The following STIM2 variants were observed in gnomAD, a reference collection of about 807,000 sequenced individuals.
STIM2 encodes stromal interaction molecule 2.
STIM2 carries 31 observed loss-of-function variants against 85.8 expected under a neutral mutation model. That is an observed-to-expected ratio of 0.36 (90% CI 0.27 to 0.49). The LOEUF is 0.49. STIM2 is among the 20% of genes least tolerant of loss of function. The probability of loss-of-function intolerance (pLI) is 0.98; values close to 1 mark genes in which losing one functional copy is unlikely to be tolerated. For missense variants in STIM2, 841 were observed against 927.6 expected (o/e 0.91, Z 1.21); for synonymous variants, 356 against 331.1 (o/e 1.08, Z -0.82).
At chr4:26,969,963 G>T (rs1726868981) in intron 3 of STIM2, among the ~76,000 whole-genome samples, 1 of 151,660 alleles carries the variant, frequency 6.6e-6, no homozygotes, top group South Asian at 2.1e-4. Flanking sequence ...TTCTCTTTTA[G>T]TACAAAGTTT....
intron 1 of STIM2, among the ~76,000 whole-genome samples, chr4:26,867,160 C>G (rs1722440165): frequency 6.6e-6 from 1 of 152,028 alleles, no homozygotes; most frequent in African/African-American, 2.4e-5. Flanking sequence ...TTATTCTTAG[C>G]TTAGGAATCT....
chr4:26,914,619 T>C (rs910674752), intron 1 of STIM2, among the ~76,000 whole-genome samples: 10 of 152,236 alleles, frequency 6.6e-5, no homozygotes, highest in African/African-American at 2.2e-4. Flanking sequence ...ATTTAGAAGC[T>C]AATTCATTTG....
chr4:26,865,731 T>G (rs530431743), intron 1 of STIM2, among the ~76,000 whole-genome samples: 7 of 152,152 alleles, frequency 4.6e-5, no homozygotes, highest in African/African-American at 7.2e-5. Context: ...CTTGTTAAGA[T>G]CTACCTAGGA....
intron 1 of STIM2, among the ~76,000 whole-genome samples, chr4:26,891,136 C>T (rs1723461010): frequency 6.6e-6 from 1 of 152,174 alleles, no homozygotes; most frequent in South Asian, 2.1e-4. Flanking sequence ...GTCAACTTGG[C>T]TGGTCTGTGG....
chr4:27,003,449 C>G (rs1728228234), intron 7 of STIM2, among the ~76,000 whole-genome samples: 1 of 152,148 alleles, frequency 6.6e-6, no homozygotes, highest in South Asian at 2.1e-4. Context: ...TTGAACTTCT[C>G]TGCAAAGGTA....
At chr4:26,874,309 C>A in intron 1 of STIM2, 1 of 367,412 alleles carries the variant, frequency 2.7e-6, no homozygotes, top group Non-Finnish European at 5.5e-6. Context: ...GAGAGATCTC[C>A]GGCGCACAGA....
chr4:26,882,432 CTTAAA>C (rs1723047051), intron 1 of STIM2, among the ~76,000 whole-genome samples: 2 of 136,888 alleles, frequency 1.5e-5, no homozygotes, highest in African/African-American at 5.7e-5. Flanking sequence ...AACCTAGTTT[CTTAAA>C]TTTCTTTCTT....
In STIM2 at chr4:27,019,882, G is replaced by A. The variant is rs1728856287; in HGVS notation, c.1763+1898G>A. On this transcript the variant is annotated intron_variant, in intron 11 of 11. Coordinates refer to ENST00000467087, the MANE Select transcript of STIM2 (RefSeq NM_020860.4). ...ATTCCAAAGAGTATGTACTCTGCAAGAAAATAAAATTTGAACTTGTATTAT... is the reference window on the plus strand; with the variant it reads ...ATTCCAAAGAGTATGTACTCTGCAAAAAAATAAAATTTGAACTTGTATTAT... Among the ~76,000 whole-genome samples the A allele has an allele frequency of 2.0e-5, 3 of 152,140 alleles. No homozygotes were observed. In the South Asian group the frequency reaches 6.2e-4, roughly 32 times the overall value.
intron 11 of STIM2, chr4:27,019,632 C>G (rs1728850153): frequency 8.9e-6 from 4 of 447,652 alleles, no homozygotes; most frequent in Non-Finnish European, 1.6e-5. Flanking sequence ...AGTCTCTCCT[C>G]TATTGAACCA....
chr4:26,959,259 T>C (rs1035570724), intron 3 of STIM2, among the ~76,000 whole-genome samples: 1 of 152,178 alleles, frequency 6.6e-6, no homozygotes, highest in Admixed American at 6.5e-5. Flanking sequence ...TCTCGCTCAC[T>C]GTGCTCCATT....
In STIM2 at chr4:27,024,592, A is replaced by G. The variant is rs549443576; in HGVS notation, c.*1596A>G. 1.2e-4 allele frequency: 18 copies of G among 152,322 alleles called. No homozygotes were observed. Among genetic ancestry groups the G allele is most frequent in the East Asian group, 1.9e-4 (1 of 5,194 alleles). The allele number at this position is 152,322 out of a possible 1,614,324, so 9.4% of individuals were successfully genotyped here. A position where few individuals can be genotyped will look rare whatever the true frequency, so the allele number is the denominator to read the frequency against. On this transcript the variant is annotated 3_prime_UTR_variant, in exon 12 of 12. Coordinates refer to ENST00000467087, the MANE Select transcript of STIM2 (RefSeq NM_020860.4). ...AATTGTGATTGTTTATTCTATTACT[A>G]TTGTTAAAAACTTGAATGGTATTTA...
At chr4:26,908,432 A>T (rs553833052) in intron 1 of STIM2, among the ~76,000 whole-genome samples, 6 of 152,312 alleles carry the variant, frequency 3.9e-5, no homozygotes, top group African/African-American at 1.4e-4. Context: ...GTATGAGACT[A>T]ACACAGCATT....
rs185266419 is a variant in STIM2 at position 26,986,664 on chromosome 4, A to G, written c.398-8715A>G. Among the ~76,000 whole-genome samples, 7 of 152,356 alleles carry G rather than the reference A, an allele frequency of 4.6e-5. No individual in the cohort carries two copies. The East Asian group carries it at 1.2e-3, about 25-fold the overall frequency. On this transcript the variant is annotated intron_variant, in intron 3 of 11. Coordinates refer to ENST00000467087, the MANE Select transcript of STIM2 (RefSeq NM_020860.4). ...ACCACTGTCGACCACACAACTTTAA[A>G]TTGCTACCTCCACTATGTTATTTAT...
chr4:26,995,241 G>T, intron 3 of STIM2, 138 bp from the exon 4 acceptor site: 1 of 443,002 alleles, frequency 2.3e-6, no homozygotes, highest in Non-Finnish European at 4.1e-6. Context: ...CTCATAGAGT[G>T]CTAGATACAG....
At chr4:26,902,469 A>G (rs1160457660) in intron 1 of STIM2, among the ~76,000 whole-genome samples, 2 of 152,172 alleles carry the variant, frequency 1.3e-5, no homozygotes, top group Non-Finnish European at 2.9e-5. Flanking sequence ...CTTTCTTGAC[A>G]AAGCCGTGTC....
At chr4:26,988,668 CTT>C (rs1265127044) in intron 3 of STIM2, among the ~76,000 whole-genome samples, 1 of 152,204 alleles carries the variant, frequency 6.6e-6, no homozygotes, top group East Asian at 1.9e-4. Context: ...ACTCCATACA[CTT>C]TTAGATTCAA....
At chr4:26,928,175 G>T (rs1370092813) in intron 2 of STIM2, among the ~76,000 whole-genome samples, 1 of 151,980 alleles carries the variant, frequency 6.6e-6, no homozygotes, top group Admixed American at 6.6e-5. Flanking sequence ...CTCTCCTGAG[G>T]GTTGGGCCCT....
chr4:26,931,716 A>C (rs935887699), intron 2 of STIM2, among the ~76,000 whole-genome samples: 1 of 152,216 alleles, frequency 6.6e-6, no homozygotes, highest in Admixed American at 6.5e-5. Context: ...CATAGGTGCT[A>C]GAGAAGTCTT....
At position 26,978,462 on chromosome 4, in the gene STIM2, C is replaced by G. The variant is rs1456949950; in HGVS notation, c.398-16917C>G. Among the ~76,000 whole-genome samples the G allele has an allele frequency of 7.9e-5, 12 of 152,094 alleles. No homozygotes were observed. The South Asian group carries it at 2.5e-3, about 32-fold the overall frequency. ...GGCTTAATCCACCCTGGCCCAGGTC[C>G]TGTCTTTCTCTGTTTCTTTCTGGAT... On this transcript the variant is annotated intron_variant, in intron 3 of 11. Transcript: ENST00000467087.
Sources: gnomAD v4.1 joint callset for allele counts (sites outside exome capture counted in the v4.1 genomes callset) on GRCh38, gnomAD v4.1.1 for gene constraint, MANE v1.5 for transcripts, NCBI Gene and HGNC (gene_info 2026-07-23, HGNC 2026-07-21) for gene names.